Variants in TNNI3K observed in about 807,000 individuals in gnomAD.
The protein encoded by TNNI3K is TNNI3 interacting kinase, also known as serine/threonine-protein kinase TNNI3K.
Under a neutral mutation model 114.5 loss-of-function variants are expected in TNNI3K, and 140 were observed. That is an observed-to-expected ratio of 1.22 (90% CI 1.07 to 1.41). TNNI3K has a LOEUF of 1.41. Among genes scored for constraint, TNNI3K ranks in the 40% most tolerant of loss-of-function variants. The pLI is 0.00. For missense variants in TNNI3K, 1,125 were observed against 1,007.6 expected, an observed-to-expected ratio of 1.12 and a Z score of -1.58; for synonymous variants, 347 against 347.5, an observed-to-expected ratio of 1.00 and a Z score of 0.02.
intron 2 of TNNI3K, among the ~76,000 whole-genome samples, chr1:74,242,287 T>G (rs1340319172): frequency 1.3e-5 from 2 of 152,190 alleles, no homozygotes; most frequent in Admixed American, 1.3e-4. Context: ...TACAAAAAAG[T>G]GGTCAAAAGA....
rs553430800 is a variant in TNNI3K, at chr1:74,544,066, T to A, written c.*84T>A. On this transcript the variant is annotated 3_prime_UTR_variant, in exon 25 of 25. Transcript: ENST00000326637. Reference sequence around the variant, plus strand: ...ACCACGGCAAGCTGGCTTCCAACTATAACATTTTACTCTCAAAGGTCTCCT... The same window carrying A: ...ACCACGGCAAGCTGGCTTCCAACTAAAACATTTTACTCTCAAAGGTCTCCT... 4 of 1,468,136 alleles carry A rather than the reference T, an allele frequency of 2.7e-6. No homozygotes were observed. Among genetic ancestry groups the A allele is most frequent in the African/African-American group, 1.4e-5 (1 of 70,798 alleles). The allele number at this position is 1,468,136 out of a possible 1,614,324, so 90.9% of individuals were successfully genotyped here.
intron 5 of TNNI3K, among the ~76,000 whole-genome samples, chr1:74,286,946 A>T (rs1012240426): frequency 4.6e-5 from 7 of 152,132 alleles, no homozygotes; most frequent in African/African-American, 1.4e-4. Context: ...CACCTTAAAG[A>T]GGCTCAATGT....
chr1:74,345,191 A>G (rs1660941326), intron 9 of TNNI3K, among the ~76,000 whole-genome samples: 1 of 152,154 alleles, frequency 6.6e-6, no homozygotes, highest in Non-Finnish European at 1.5e-5. Flanking sequence ...GATCGTATTT[A>G]TAATGCAAAT....
intron 21 of TNNI3K, 58 bp from the exon 22 acceptor site, chr1:74,489,131 A>G: frequency 1.3e-6 from 2 of 1,486,270 alleles, no homozygotes; most frequent in Non-Finnish European, 1.8e-6. Context: ...TTTAACATCC[A>G]AAGAGAGTCT....
At chr1:74,257,095 C>T (rs1027554718) in intron 4 of TNNI3K, among the ~76,000 whole-genome samples, 3 of 152,042 alleles carry the variant, frequency 2.0e-5, no homozygotes, top group Non-Finnish European at 4.4e-5. Context: ...TTTCTGTTCT[C>T]CAAATTAGAT....
At chr1:74,280,199 G>A (rs1239821922) in intron 5 of TNNI3K, among the ~76,000 whole-genome samples, 4 of 152,054 alleles carry the variant, frequency 2.6e-5, no homozygotes, top group African/African-American at 7.2e-5. Context: ...TGGCTAACAC[G>A]GTGAAACCCC....
At chr1:74,277,875 T>C (rs1656778409) in intron 5 of TNNI3K, among the ~76,000 whole-genome samples, 1 of 152,180 alleles carries the variant, frequency 6.6e-6, no homozygotes, top group South Asian at 2.1e-4. Flanking sequence ...CCATATCCCA[T>C]TTTCAAATTG....
chr1:74,502,985 G>T lies in TNNI3K; in HGVS notation c.2351+10719G>T, dbSNP rs186682324. On this transcript the variant is annotated intron_variant, in intron 23 of 24. Transcript: ENST00000326637. The stretch of plus-strand genomic sequence containing the variant: ...TAGGAACTTAACTGAAGTGACACTT[G>T]TGGACTAGCTTTGAGGATAGCTCTA... Among the ~76,000 whole-genome samples the T allele has an allele frequency of 7.2e-5, 11 of 152,324 alleles. No homozygotes were observed. In the East Asian group the frequency reaches 7.7e-4, roughly 11 times the overall value.
rs200683757 is a variant in TNNI3K at position 74,369,405 on chromosome 1, C to T, written c.1487C>T (p.Thr496Ile). Residue 496 changes from threonine (T) to isoleucine (I), a missense_variant, in exon 16 of 25, where the codon ACC becomes ATC. By Grantham distance (89) the Thr-to-Ile change is moderately conservative. Transcript: ENST00000326637. ...IVAIKRYRAN[T>I]YCSKSDVDMF... The stretch of plus-strand genomic sequence containing the variant: ...GCCATTTCCAGTTATCGAGCCAATA[C>T]CTACTGCTCCAAGTCAGATGTGGAT... The T allele has an allele frequency of 6.2e-7, 1 of 1,610,232 alleles. No individual in the cohort carries two copies. The highest frequency in any genetic ancestry group is 8.5e-7 in the Non-Finnish European group (1 of 1,178,208).
chr1:74,447,982 C>T (rs751930959), intron 20 of TNNI3K, among the ~76,000 whole-genome samples: 820 of 19,160 alleles, frequency 0.043, 18 homozygotes, highest in African/African-American at 0.089. Context: ...AAATTGGAAA[C>T]CATCATTCTC....
At chr1:74,502,347 A>T (rs1482020110) in intron 23 of TNNI3K, among the ~76,000 whole-genome samples, 4 of 152,182 alleles carry the variant, frequency 2.6e-5, no homozygotes, top group African/African-American at 7.2e-5. Context: ...CACAAACATG[A>T]TGCCATTGAA....
At chr1:74,475,475 A>G in intron 21 of TNNI3K, 1 of 717,092 alleles carries the variant, frequency 1.4e-6, no homozygotes, top group Non-Finnish European at 2.6e-6. Flanking sequence ...TCCTGGCAAA[A>G]TAAAGTGCTG....
At chr1:74,507,225 C>A (rs1456826114) in intron 23 of TNNI3K, among the ~76,000 whole-genome samples, 3 of 124,148 alleles carry the variant, frequency 2.4e-5, no homozygotes, top group African/African-American at 8.9e-5. Flanking sequence ...ATTTCTTCAC[C>A]CCCCCCCCAT....
intron 5 of TNNI3K, among the ~76,000 whole-genome samples, chr1:74,303,375 G>T (rs1476933335): frequency 2.6e-5 from 4 of 151,986 alleles, no homozygotes; most frequent in African/African-American, 9.7e-5. Context: ...ATGTTGGCCA[G>T]GCTGGTCTCT....
chr1:74,489,882 A>G (rs1478460273), intron 22 of TNNI3K, among the ~76,000 whole-genome samples: 1 of 152,080 alleles, frequency 6.6e-6, no homozygotes, highest in East Asian at 1.9e-4. Flanking sequence ...ATATTCTCAA[A>G]TGGAAATAAG....
intron 17 of TNNI3K, among the ~76,000 whole-genome samples, chr1:74,420,950 G>T (rs1665365374): frequency 6.6e-6 from 1 of 151,954 alleles, no homozygotes; most frequent in African/African-American, 2.4e-5. Context: ...TTGAATTTTT[G>T]CATGAGTGAA....
intron 21 of TNNI3K, among the ~76,000 whole-genome samples, chr1:74,487,699 T>C (rs553603514): frequency 3.5e-4 from 54 of 152,224 alleles, no homozygotes; most frequent in African/African-American, 1.2e-3. Context: ...GGGAAAAAGA[T>C]AGGCAGATGG....
intron 17 of TNNI3K, among the ~76,000 whole-genome samples, chr1:74,430,255 A>G (rs932572030): frequency 2.0e-5 from 3 of 152,122 alleles, no homozygotes; most frequent in African/African-American, 7.2e-5. Flanking sequence ...ATTATGAATC[A>G]TTCGAGCACT....
intron 9 of TNNI3K, 116 bp from the exon 10 acceptor site, chr1:74,353,150 C>T: frequency 9.4e-7 from 1 of 1,058,538 alleles, no homozygotes; most frequent in South Asian, 1.7e-5. Context: ...GTCTCATTGT[C>T]AGGTTATGGG....
Sources: gnomAD v4.1 joint callset for allele counts (sites outside exome capture counted in the v4.1 genomes callset) on GRCh38, gnomAD v4.1.1 for gene constraint, MANE v1.5 for transcripts, NCBI Gene and HGNC (gene_info 2026-07-23, HGNC 2026-07-21) for gene names.